The following UNC79 variants were observed in gnomAD, a reference collection of about 807,000 sequenced individuals.
UNC79 encodes the protein unc-79 subunit of NALCN channel complex.
Under a neutral mutation model 283.1 loss-of-function variants are expected in UNC79, and 37 were observed. The observed-to-expected ratio is 0.13, with a 90% CI of 0.10 to 0.17. UNC79 has a LOEUF of 0.17. UNC79 is among the 10% of genes least tolerant of loss of function. The pLI, the probability that UNC79 is intolerant of heterozygous loss-of-function variation, is 1.00. For missense variants in UNC79, 2,272 were observed against 3,211.1 expected, an observed-to-expected ratio of 0.71 and a Z score of 7.07; for synonymous variants, 1,107 against 1,200.2, an observed-to-expected ratio of 0.92 and a Z score of 1.61.
chr14:93,561,851 C>T (rs2402312), intron 14 of UNC79, among the ~76,000 whole-genome samples: 90,374 of 151,766 alleles, frequency 0.6, 27,645 homozygotes, highest in Admixed American at 0.68. Flanking sequence ...AAGAGTAGGG[C>T]ATTTATGAGT....
chr14:93,585,621 A>T (rs2064165800), intron 20 of UNC79, among the ~76,000 whole-genome samples: 1 of 152,180 alleles, frequency 6.6e-6, no homozygotes, highest in African/African-American at 2.4e-5. Flanking sequence ...AAAACGTGTA[A>T]TGGTGATTTT....
In UNC79 at chr14:93,676,714, T is replaced by C. The variant is rs185753791; in HGVS notation, c.6741+3259T>C. On this transcript the variant is annotated intron_variant, in intron 41 of 48. Transcript: ENST00000555664. Reference sequence around the variant, plus strand: ...ATTAGTCAACTGTAATAAGCACTTGTCACAAGATGCCAAAAGAACACTGAC... The same window carrying C: ...ATTAGTCAACTGTAATAAGCACTTGCCACAAGATGCCAAAAGAACACTGAC... Among the ~76,000 whole-genome samples, 4 of 152,316 alleles carry C rather than the reference T, an allele frequency of 2.6e-5. No individual in the cohort carries two copies. In the East Asian group the frequency reaches 7.7e-4, roughly 29 times the overall value.
At chr14:93,462,042 C>CT (rs1285751250) in intron 1 of UNC79, among the ~76,000 whole-genome samples, 11 of 151,976 alleles carry the variant, frequency 7.2e-5, no homozygotes, top group African/African-American at 2.7e-4. Flanking sequence ...TGTGGTGGCT[C>CT]TTGCCTGTAA....
At chr14:93,588,418 G>A (rs966702096) in intron 22 of UNC79, among the ~76,000 whole-genome samples, 3 of 152,108 alleles carry the variant, frequency 2.0e-5, no homozygotes, top group African/African-American at 4.8e-5. Flanking sequence ...AGAGAAAAGG[G>A]AGTAGACATT....
At chr14:93,558,540 A>G (rs1470625410) in intron 14 of UNC79, among the ~76,000 whole-genome samples, 1 of 141,406 alleles carries the variant, frequency 7.1e-6, no homozygotes, top group Admixed American at 7.2e-5. Flanking sequence ...TGGGGGACAG[A>G]GCAAGACTCC....
chr14:93,693,272 AT>A (rs563610183), intron 46 of UNC79, among the ~76,000 whole-genome samples: 39 of 152,332 alleles, frequency 2.6e-4, no homozygotes, highest in Non-Finnish European at 4.4e-4. Flanking sequence ...CTAATGAAGA[AT>A]TTGGAGATCA....
At chr14:93,487,694 C>T (rs1218479074) in exon 5 of UNC79, 1 of 1,613,854 alleles carries the variant, frequency 6.2e-7, no homozygotes, top group African/African-American at 1.3e-5. Flanking sequence ...GTGTACCTGC[C>T]CATGTTAACC....
intron 20 of UNC79, among the ~76,000 whole-genome samples, chr14:93,584,765 C>T (rs947497010): frequency 1.1e-4 from 17 of 151,306 alleles, no homozygotes; most frequent in African/African-American, 3.7e-4. Flanking sequence ...GGTGTGATCT[C>T]GGCTCACTGC....
intron 20 of UNC79, 115 bp from the exon 21 acceptor site, chr14:93,586,481 A>G (rs1231927459): frequency 2.6e-5 from 23 of 886,558 alleles, no homozygotes; most frequent in Middle Eastern, 3.0e-4. Flanking sequence ...TTCTCAAACA[A>G]TTTTGCATAT....
chr14:93,683,749 A>T (rs2074026794), intron 42 of UNC79, among the ~76,000 whole-genome samples: 1 of 152,140 alleles, frequency 6.6e-6, no homozygotes, highest in Non-Finnish European at 1.5e-5. Flanking sequence ...TTTTACTCTG[A>T]TAGCAATCAA....
At chr14:93,639,737 A>G (rs2068849097) in intron 32 of UNC79, among the ~76,000 whole-genome samples, 1 of 152,224 alleles carries the variant, frequency 6.6e-6, no homozygotes. Flanking sequence ...TGCAGAATGG[A>G]AGCATCTTGA....
At chr14:93,533,893 A>G (rs2060943484) in intron 11 of UNC79, among the ~76,000 whole-genome samples, 1 of 152,338 alleles carries the variant, frequency 6.6e-6, no homozygotes, top group Non-Finnish European at 1.5e-5. Flanking sequence ...TGACCTCCAC[A>G]AGTCTTATTC....
At chr14:93,599,378 G>GTGTA (rs1555368838) in intron 24 of UNC79, among the ~76,000 whole-genome samples, 1 of 151,296 alleles carries the variant, frequency 6.6e-6, no homozygotes, top group Non-Finnish European at 1.5e-5. Flanking sequence ...GTGTGTGTGT[G>GTGTA]TGTGTGTATG....
intron 1 of UNC79, chr14:93,347,927 G>A (rs1216648735): frequency 2.8e-6 from 2 of 724,658 alleles, no homozygotes; most frequent in East Asian, 2.5e-5. Context: ...TAGGACAACG[G>A]TCTAGGTGCT....
chr14:93,487,615 T>C lies in UNC79; in HGVS notation c.620-48T>C. The C allele has an allele frequency of 2.0e-6, 3 of 1,489,954 alleles. No homozygotes were observed. In the South Asian group the frequency reaches 3.4e-5, roughly 17 times the overall value. The allele number at this position is 1,489,954 out of a possible 1,614,324, so 92.3% of individuals were successfully genotyped here. On this transcript the variant is annotated intron_variant, in intron 4 of 48. Transcript: ENST00000555664. ...CTCATGCTCTGTGCAAAGTAACAGGTATATGTAGAGATTAAATTGTGTCTA... is the reference window on the plus strand; with the variant it reads ...CTCATGCTCTGTGCAAAGTAACAGGCATATGTAGAGATTAAATTGTGTCTA...
intron 14 of UNC79, among the ~76,000 whole-genome samples, chr14:93,564,107 C>A (rs1390243581): frequency 6.6e-6 from 1 of 152,180 alleles, no homozygotes; most frequent in African/African-American, 2.4e-5. Context: ...TGTAAGAATT[C>A]TGACTGCACA....
intron 30 of UNC79, among the ~76,000 whole-genome samples, chr14:93,627,578 C>T (rs1376464283): frequency 6.6e-6 from 1 of 152,092 alleles, no homozygotes; most frequent in Non-Finnish European, 1.5e-5. Flanking sequence ...AAGAACAAGC[C>T]GTGTTGCACA....
chr14:93,687,078 C>T (rs533198156), intron 43 of UNC79, among the ~76,000 whole-genome samples: 80 of 152,268 alleles, frequency 5.3e-4, no homozygotes, highest in Middle Eastern at 3.4e-3. Flanking sequence ...CGTTTAATTA[C>T]CTTGAGCATC....
intron 24 of UNC79, among the ~76,000 whole-genome samples, chr14:93,599,674 T>C (rs2065349785): frequency 6.6e-6 from 1 of 152,176 alleles, no homozygotes; most frequent in South Asian, 2.1e-4. Context: ...TTTTTAAATC[T>C]CATTCTGTTA....
Sources: allele counts gnomAD v4.1 joint callset (sites outside exome capture counted in the v4.1 genomes callset), GRCh38; gene constraint gnomAD v4.1.1; transcripts MANE v1.5; gene names NCBI Gene and HGNC (gene_info 2026-07-23, HGNC 2026-07-21).